Variants in OSBP2 observed in about 807,000 individuals in gnomAD.
OSBP2 encodes oxysterol binding protein 2.
A neutral mutation model predicts 96.0 loss-of-function variants in OSBP2; 66 were observed. That is an observed-to-expected ratio of 0.69 (90% CI 0.56 to 0.84). The LOEUF is 0.84. OSBP2 is among the 40% of genes least tolerant of loss of function. The pLI, the probability that OSBP2 is intolerant of heterozygous loss-of-function variation, is 0.00. For synonymous variants in OSBP2, 525 were observed against 520.9 expected (o/e 1.01, Z -0.11); for missense variants, 1,038 against 1,222.7 (o/e 0.85, Z 2.25).
intron 12 of OSBP2, among the ~76,000 whole-genome samples, chr22:30,895,879 A>G (rs1016566587): frequency 1.3e-5 from 2 of 149,180 alleles, no homozygotes; most frequent in African/African-American, 2.5e-5. Flanking sequence ...CAGAGGTTGC[A>G]GTGAGCCGAG....
chr22:30,893,107 T>G lies in OSBP2; in HGVS notation c.1870-15T>G. 1.9e-6 allele frequency: 3 copies of G among 1,613,422 alleles called. No homozygotes were observed. The highest frequency in any genetic ancestry group is 2.5e-6 in the Non-Finnish European group (3 of 1,179,830). The stretch of plus-strand genomic sequence containing the variant: ...ATGTCTGGCAGATGCTCACATCCTA[T>G]GGGTCTGGTCTCAGGTGAGCCACCA... On this transcript the variant is annotated splice_polypyrimidine_tract_variant and intron_variant, in intron 8 of 13. Transcript: ENST00000332585.
At chr22:30,787,529 C>G (rs7291132) in intron 2 of OSBP2, among the ~76,000 whole-genome samples, 1 of 152,038 alleles carries the variant, frequency 6.6e-6, no homozygotes, top group Non-Finnish European at 1.5e-5. Flanking sequence ...AAAAATTAGG[C>G]GGGCATGGTG....
intron 2 of OSBP2, among the ~76,000 whole-genome samples, chr22:30,759,426 C>T (rs2090180464): frequency 6.6e-6 from 1 of 152,056 alleles, no homozygotes; most frequent in Non-Finnish European, 1.5e-5. Context: ...TACCTGTGGC[C>T]TTAACCCAAC....
chr22:30,831,872 A>G (rs1441048286), intron 2 of OSBP2, among the ~76,000 whole-genome samples: 2 of 152,198 alleles, frequency 1.3e-5, no homozygotes, highest in African/African-American at 4.8e-5. Context: ...ACTCAAAGTC[A>G]GCACCACAGG....
chr22:30,764,398 A>T, intron 2 of OSBP2: 1 of 985,280 alleles, frequency 1.0e-6, no homozygotes, highest in Non-Finnish European at 1.2e-6. Context: ...AACAGGTAGG[A>T]CTTGGAAGAA....
At position 30,894,719 on chromosome 22, in the gene OSBP2, A is replaced by G. The variant is rs572910777; in HGVS notation, c.2375+718A>G. On this transcript the variant is annotated intron_variant, in intron 12 of 13. Coordinates refer to ENST00000332585, the MANE Select transcript of OSBP2 (RefSeq NM_030758.4). ...GCACCTAAATCTATGCAGTGAAACT[A>G]AATCAGAGAGAAACTATTAAGCAGC... Among the ~76,000 whole-genome samples, 9 of 152,390 alleles carry G rather than the reference A, an allele frequency of 5.9e-5. No individual in the cohort carries two copies. In the South Asian group the frequency reaches 1.9e-3, roughly 32 times the overall value.
chr22:30,740,415 C>T (rs2145738563), intron 1 of OSBP2, among the ~76,000 whole-genome samples: 1 of 152,334 alleles, frequency 6.6e-6, no homozygotes, highest in Non-Finnish European at 1.5e-5. Context: ...CCTCCAAATG[C>T]ATGACTCCTA....
At chr22:30,715,330 C>T (rs995805634) in intron 1 of OSBP2, among the ~76,000 whole-genome samples, 11 of 149,676 alleles carry the variant, frequency 7.3e-5, no homozygotes, top group Non-Finnish European at 1.3e-4. Flanking sequence ...TTTTGATTTG[C>T]ATTTCTGTGA....
At chr22:30,872,924 G>A (rs1569159691) in intron 3 of OSBP2, among the ~76,000 whole-genome samples, 1 of 152,230 alleles carries the variant, frequency 6.6e-6, no homozygotes, top group Non-Finnish European at 1.5e-5. Flanking sequence ...CTTGCCTGAA[G>A]GTCGTGGGAT....
intron 2 of OSBP2, among the ~76,000 whole-genome samples, chr22:30,822,110 G>A (rs143709101): frequency 6.6e-6 from 1 of 152,208 alleles, no homozygotes; most frequent in African/African-American, 2.4e-5. Flanking sequence ...CCACGGCAGC[G>A]GGGTCAGAAG....
chr22:30,695,370 G>T lies in OSBP2; in HGVS notation c.461G>T (p.Arg154Leu), dbSNP rs746148164. 1 of 1,613,760 alleles carries T rather than the reference G, an allele frequency of 6.2e-7. No homozygotes were observed. The highest frequency in any genetic ancestry group is 8.5e-7 in the Non-Finnish European group (1 of 1,180,046). Residue 154 changes from arginine to leucine, a missense_variant, in exon 1 of 14, where the codon CGA (arginine) becomes CTA (leucine). Arg to Leu is a moderately radical substitution (Grantham distance 102). Coordinates refer to ENST00000332585, the MANE Select transcript of OSBP2 (RefSeq NM_030758.4). ...LPALKPLPLL[R>L]PGQAKTPLGV... Reference sequence around the variant, plus strand: ...GCGTTAAAGCCCCTGCCTCTTCTGCGACCAGGACAGGCGAAGACTCCTCTT... The same window carrying T: ...GCGTTAAAGCCCCTGCCTCTTCTGCTACCAGGACAGGCGAAGACTCCTCTT...
intron 2 of OSBP2, among the ~76,000 whole-genome samples, chr22:30,819,530 T>C (rs1266372154): frequency 6.6e-6 from 1 of 152,226 alleles, no homozygotes; most frequent in Non-Finnish European, 1.5e-5. Flanking sequence ...ACTTTGCAGC[T>C]AATATATTTT....
chr22:30,822,440 G>T, intron 2 of OSBP2: 2 of 1,109,262 alleles, frequency 1.8e-6, no homozygotes, highest in Non-Finnish European at 2.3e-6. Flanking sequence ...CCCGCGGCGC[G>T]GACGGGGTTA....
chr22:30,816,887 A>G (rs2091090311), intron 2 of OSBP2, among the ~76,000 whole-genome samples: 1 of 151,748 alleles, frequency 6.6e-6, no homozygotes, highest in Admixed American at 6.6e-5. Context: ...AGGTGTACGC[A>G]CCACACCTGG....
chr22:30,730,229 C>T (rs759954305), intron 1 of OSBP2, among the ~76,000 whole-genome samples: 3 of 152,062 alleles, frequency 2.0e-5, no homozygotes, highest in Non-Finnish European at 2.9e-5. Flanking sequence ...TCCCGAAGTC[C>T]TGGGATTACA....
intron 2 of OSBP2, chr22:30,803,084 A>G (rs2090876850): frequency 1.4e-5 from 3 of 209,412 alleles, no homozygotes; most frequent in Admixed American, 1.2e-4. Flanking sequence ...CGGCGGCGGG[A>G]AGGCGGCGGC....
intron 2 of OSBP2, among the ~76,000 whole-genome samples, chr22:30,841,614 C>T (rs1337011285): frequency 1.3e-5 from 2 of 152,132 alleles, no homozygotes; most frequent in Non-Finnish European, 2.9e-5. Context: ...TTTTGGTTTC[C>T]TGATGCATAT....
intron 3 of OSBP2, among the ~76,000 whole-genome samples, chr22:30,876,568 C>A (rs898150150): frequency 6.6e-6 from 1 of 152,236 alleles, no homozygotes; most frequent in Non-Finnish European, 1.5e-5. Flanking sequence ...CCTCTCCCGA[C>A]CCGTTCCCCA....
At chr22:30,862,861 T>C (rs368114250) in intron 2 of OSBP2, among the ~76,000 whole-genome samples, 93 of 150,966 alleles carry the variant, frequency 6.2e-4, no homozygotes, top group African/African-American at 2.0e-3. Flanking sequence ...TAATCCCAGC[T>C]ACTCGGGAGG....
Sources: allele counts gnomAD v4.1 joint callset (sites outside exome capture counted in the v4.1 genomes callset), GRCh38; gene constraint gnomAD v4.1.1; transcripts MANE v1.5; gene names NCBI Gene and HGNC (gene_info 2026-07-23, HGNC 2026-07-21).